Variants in SLC7A7 observed in about 807,000 individuals in gnomAD.
The protein encoded by SLC7A7 is solute carrier family 7 member 7.
Under a neutral mutation model 47.9 loss-of-function variants are expected in SLC7A7, and 39 were observed. The observed-to-expected ratio is 0.81, with a 90% CI of 0.63 to 1.06. The LOEUF is 1.06. SLC7A7 is among the 50% of genes least tolerant of loss of function. The probability of loss-of-function intolerance (pLI) is 0.00; values close to 1 mark genes in which losing one functional copy is unlikely to be tolerated. For missense variants in SLC7A7, 588 were observed against 632.0 expected (o/e 0.93, Z 0.75); for synonymous variants, 234 against 242.8 (o/e 0.96, Z 0.34).
intron 2 of SLC7A7, among the ~76,000 whole-genome samples, chr14:22,784,490 T>A (rs923492019): frequency 2.0e-5 from 3 of 151,970 alleles, no homozygotes; most frequent in Non-Finnish European, 4.4e-5. Flanking sequence ...TGGTGGTGTG[T>A]GCCTGTAGTC....
intron 2 of SLC7A7, among the ~76,000 whole-genome samples, chr14:22,790,696 T>G (rs2038908420): frequency 6.6e-6 from 1 of 152,038 alleles, no homozygotes; most frequent in Non-Finnish European, 1.5e-5. Context: ...TGTTTCCTCC[T>G]TTCAGTAAAA....
intron 2 of SLC7A7, among the ~76,000 whole-genome samples, chr14:22,784,131 G>C (rs971922458): frequency 6.6e-6 from 1 of 152,206 alleles, no homozygotes; most frequent in Non-Finnish European, 1.5e-5. Context: ...CATGGGGTTA[G>C]GATAATATGG....
At chr14:22,789,297 T>C (rs35737812) in intron 2 of SLC7A7, among the ~76,000 whole-genome samples, 9,283 of 151,950 alleles carry the variant, frequency 0.061, 404 homozygotes, top group South Asian at 0.14. Flanking sequence ...GTGAGCCATG[T>C]TATATTGCAT....
At chr14:22,814,203 G>T (rs2039371445) in intron 1 of SLC7A7, among the ~76,000 whole-genome samples, 1 of 151,808 alleles carries the variant, frequency 6.6e-6, no homozygotes, top group African/African-American at 2.4e-5. Context: ...TAAATCTTGG[G>T]CCGGGCGCTG....
rs750589845 is a variant in SLC7A7 at position 22,813,047 on chromosome 14, T to C, written c.352A>G (p.Ile118Val). ...LEAFGGFLAF[I>V]RLWTSLLIIE... ...ATGAGCAGGGAGGTCCAGAGTCTGA[T>C]GAAAGCAAGGAATCCTCCAAAGGCC... Residue 118 changes from isoleucine to valine, a missense_variant, in exon 2 of 10, where the codon ATC (isoleucine) becomes GTC (valine). By Grantham distance (29) the Ile-to-Val change is conservative. Transcript: ENST00000674313. 2.5e-6 allele frequency: 4 copies of C among 1,614,004 alleles called. No individual in the cohort carries two copies. The highest frequency in any genetic ancestry group is 2.2e-5 in the East Asian group (1 of 44,874).
At chr14:22,799,522 TCG>T (rs2039076432) in intron 2 of SLC7A7, among the ~76,000 whole-genome samples, 2 of 141,614 alleles carry the variant, frequency 1.4e-5, no homozygotes, top group South Asian at 4.9e-4. Context: ...TGGAGCTGTC[TCG>T]GCTCACTGCA....
chr14:22,806,500 T>G (rs901401458), intron 2 of SLC7A7, among the ~76,000 whole-genome samples: 5 of 151,972 alleles, frequency 3.3e-5, no homozygotes, highest in African/African-American at 1.2e-4. Context: ...AAGGGCCACA[T>G]AAGCAGCCTG....
At chr14:22,792,123 C>T (rs560202161) in intron 2 of SLC7A7, among the ~76,000 whole-genome samples, 1 of 152,228 alleles carries the variant, frequency 6.6e-6, no homozygotes, top group African/African-American at 2.4e-5. Flanking sequence ...GCTTGAGCCA[C>T]CGCGCCCGGC....
chr14:22,808,691 C>T (rs2039252625), intron 2 of SLC7A7, among the ~76,000 whole-genome samples: 1 of 152,152 alleles, frequency 6.6e-6, no homozygotes, highest in African/African-American at 2.4e-5. Flanking sequence ...AAGGAATAAA[C>T]CCATGAATCA....
chr14:22,788,560 T>A (rs893029069), intron 2 of SLC7A7, among the ~76,000 whole-genome samples: 5 of 151,422 alleles, frequency 3.3e-5, no homozygotes, highest in Admixed American at 3.3e-4. Context: ...AAAAATTAGC[T>A]GGGCGTGGTG....
In SLC7A7 at chr14:22,780,039, A is replaced by C; in HGVS notation, c.512T>G (p.Phe171Cys). The change falls in exon 3 of 10, where the codon TTC becomes TGC. Residue 171 changes from phenylalanine to cysteine, a missense_variant. Transcript: ENST00000674313. ...CCATTTGACATAGGCACAGTTAATG[A>C]AGGTTAAGAGACCTGAAAGAAAAAT... ...LAAACICLLT[F>C]INCAYVKWGT... 2 of 1,614,086 alleles carry C rather than the reference A, an allele frequency of 1.2e-6. No homozygotes were observed. The highest frequency in any genetic ancestry group is 1.7e-6 in the Non-Finnish European group (2 of 1,179,974).
At position 22,774,133 on chromosome 14, in the gene SLC7A7, CAT is replaced by C. The variant is rs1387042173; in HGVS notation, c.1246-19_1246-18del. ...AACGCTGAGCTAAGGGCACAGGAAACATAACTGGAGTGGACAACTCAGGATTC... is the reference window on the plus strand; with the variant it reads ...AACGCTGAGCTAAGGGCACAGGAAACAACTGGAGTGGACAACTCAGGATTC... On this transcript the variant is annotated intron_variant, in intron 8 of 9. Transcript: ENST00000674313. The C allele has an allele frequency of 5.0e-6, 8 of 1,614,080 alleles. No homozygotes were observed. The Admixed American group carries it at 5.0e-5, about 10-fold the overall frequency.
intron 1 of SLC7A7, 73 bp from the exon 2 acceptor site, chr14:22,813,513 CAG>C: frequency 7.5e-7 from 1 of 1,328,784 alleles, no homozygotes; most frequent in Middle Eastern, 2.0e-4. Context: ...GCCTCCAACA[CAG>C]GGTAATACGG....
Position 22,774,455 on chromosome 14 carries a change from T to C in SLC7A7, c.1144A>G (p.Ile382Val). The C allele has an allele frequency of 6.2e-7, 1 of 1,614,142 alleles. No individual in the cohort carries two copies. Among genetic ancestry groups the C allele is most frequent in the Non-Finnish European group, 8.5e-7 (1 of 1,180,028 alleles). The change falls in exon 8 of 10, where the codon ATT becomes GTT. Residue 382 changes from isoleucine (I) to valine (V), a missense_variant. Physicochemically the swap from Ile to Val is conservative, Grantham distance 29 (BLOSUM62 3). Transcript: ENST00000674313. The stretch of plus-strand genomic sequence containing the variant: ...CAGTAGCTGAAGCTGTAGTAGTTAA[T>C]GAGCTGGAAGATGTCTTCCACGCAC... Reference protein sequence around the residue: ...YLCVEDIFQLINYYSFSYWFF... With the variant: ...YLCVEDIFQLVNYYSFSYWFF...
chr14:22,780,007 G>A lies in SLC7A7; in HGVS notation c.544C>T (p.Leu182=). 2 of 1,614,048 alleles carry A rather than the reference G, an allele frequency of 1.2e-6. No individual in the cohort carries two copies. Among genetic ancestry groups the A allele is most frequent in the Non-Finnish European group, 8.5e-7 (1 of 1,180,000 alleles). The change falls in exon 3 of 10, where the codon CTG becomes TTG. Residue 182 remains leucine, a synonymous_variant. Transcript: ENST00000674313. ...INCAYVKWGT[L]VQDIFTYAKV... is the part of the protein sequence containing the mutation. ...GCATAGGTGAAAATATCTTGTACCA[G>A]GGTTCCCCATTTGACATAGGCACAG...
chr14:22,819,503 G>T (rs1302346069), upstream of SLC7A7: 2 of 152,138 alleles, frequency 1.3e-5, no homozygotes, highest in African/African-American at 2.4e-5. Flanking sequence ...TGGGCAGAAG[G>T]TTCAGCCCAG....
rs774080549 is a variant in SLC7A7 at position 22,813,021 on chromosome 14, GA to G, written c.377del (p.Ile126ThrfsTer44). Reference protein sequence around the residue: ...AFIRLWTSLLIIEPTSQAIIA... With the variant: ...AFIRLWTSLLXIEPTSQAIIA... ...TGATGGCCTGGCTGGTGGGCTCAAT[GA>G]TGAGCAGGGAGGTCCAGAGTCTGAT... On this transcript the variant is annotated frameshift_variant, in exon 2 of 10. Transcript: ENST00000674313. LOFTEE classifies it high-confidence loss of function. 7 of 1,613,988 alleles carry G rather than the reference GA, an allele frequency of 4.3e-6. No homozygotes were observed. The African/African-American group carries it at 9.3e-5, about 22-fold the overall frequency.
intron 2 of SLC7A7, among the ~76,000 whole-genome samples, chr14:22,786,096 G>A (rs1333498312): frequency 6.6e-6 from 1 of 151,530 alleles, no homozygotes; most frequent in Non-Finnish European, 1.5e-5. Flanking sequence ...CAAGGCGGGT[G>A]GATCACGAGG....
chr14:22,815,051 G>A, intron 1 of SLC7A7: 1 of 318,170 alleles, frequency 3.1e-6, no homozygotes, highest in Non-Finnish European at 6.2e-6. Context: ...ATGATTGGAG[G>A]CAGCTGATGG....
Sources: gnomAD v4.1 joint callset for allele counts (sites outside exome capture counted in the v4.1 genomes callset) on GRCh38, gnomAD v4.1.1 for gene constraint, MANE v1.5 for transcripts, NCBI Gene and HGNC (gene_info 2026-07-23, HGNC 2026-07-21) for gene names.